Variants in FAXC observed in about 807,000 individuals in gnomAD.
FAXC encodes failed axon connections homolog, metaxin like GST domain containing.
FAXC carries 10 observed loss-of-function variants against 41.9 expected under a neutral mutation model. The observed-to-expected ratio is 0.24, with a 90% CI of 0.15 to 0.41. The LOEUF (loss-of-function observed/expected upper bound fraction) is 0.41, where lower values mean the gene tolerates loss of function less well. FAXC is among the 10% of genes least tolerant of loss of function. The pLI, the probability that FAXC is intolerant of heterozygous loss-of-function variation, is 1.00. For synonymous variants in FAXC, 183 were observed against 183.8 expected, an observed-to-expected ratio of 1.00 and a Z score of 0.03; for missense variants, 399 against 510.9, an observed-to-expected ratio of 0.78 and a Z score of 2.11.
intron 4 of FAXC, among the ~76,000 whole-genome samples, chr6:99,319,173 G>A (rs1023776830): frequency 5.9e-5 from 9 of 152,072 alleles, no homozygotes; most frequent in Admixed American, 2.0e-4. Context: ...CGAGGCAGGC[G>A]GATCACGAGG....
intron 2 of FAXC, among the ~76,000 whole-genome samples, chr6:99,335,698 C>T (rs946571745): frequency 2.6e-5 from 4 of 152,172 alleles, no homozygotes; most frequent in African/African-American, 9.6e-5. Context: ...TGTGATTGAG[C>T]ACCTTTTCTG....
chr6:99,314,331 T>C (rs1298046501), intron 4 of FAXC, among the ~76,000 whole-genome samples: 1 of 152,136 alleles, frequency 6.6e-6, no homozygotes, highest in Non-Finnish European at 1.5e-5. Flanking sequence ...TCTATCACCA[T>C]GCCTATAATC....
Position 99,274,577 on chromosome 6 carries a change from T to C in FAXC, c.*6587A>G, listed in dbSNP as rs1770531402. ...GAGTTGTCAGACATTTGGCATGATG[T>C]AGATCACTGGGAAAAAAACATGTGT... On this transcript the variant is annotated 3_prime_UTR_variant, in exon 6 of 6. Coordinates refer to ENST00000389677, the MANE Select transcript of FAXC (RefSeq NM_032511.4). 6.6e-6 allele frequency: 1 copy of C among 152,194 alleles called. No individual in the cohort carries two copies. Among genetic ancestry groups the C allele is most frequent in the African/African-American group, 2.4e-5 (1 of 41,446 alleles). The allele number at this position is 152,194 out of a possible 1,614,324, so 9.4% of individuals were successfully genotyped here.
Position 99,281,342 on chromosome 6 carries a change from C to T in FAXC, c.1052G>A (p.Gly351Asp). 1 of 1,614,156 alleles carries T rather than the reference C, an allele frequency of 6.2e-7. No individual in the cohort carries two copies. The highest frequency in any genetic ancestry group is 1.1e-5 in the South Asian group (1 of 91,080). ...TIYESEESSE[G>D]SKTHTPLLDF... ...CAGCAGCGGGGTGTGGGTTTTGCTG[C>T]CTTCGCTGCTCTCCTCAGACTCATA... Residue 351 changes from glycine to aspartate, a missense_variant, in exon 6 of 6, where the codon GGC (glycine) becomes GAC (aspartate). Coordinates refer to ENST00000389677, the MANE Select transcript of FAXC (RefSeq NM_032511.4).
rs147679990 is a variant in FAXC, at chr6:99,343,027, C to G, written c.273G>C (p.Gln91His). Residue 91 changes from glutamine (Q) to histidine (H), a missense_variant, in exon 2 of 6, where the codon CAG (glutamine) becomes CAC (histidine). By Grantham distance (24) the Gln-to-His change is conservative (BLOSUM62 0). Around this residue, in one of 3 missense-constraint regions of FAXC, gnomAD observed 239 missense variants for 352.7 expected, o/e 0.68. Coordinates refer to ENST00000389677, the MANE Select transcript of FAXC (RefSeq NM_032511.4). ...LLHELLVIRKQQEIDSKDAII... is the reference protein window; with the variant it reads ...LLHELLVIRKHQEIDSKDAII... ...TAGCATCTTTAGAGTCAATCTCTTG[C>G]TGTTTCCTGTCAAAACCAAAACAGA... 4.4e-6 allele frequency: 7 copies of G among 1,599,376 alleles called. No homozygotes were observed. The highest frequency in any genetic ancestry group is 6.0e-6 in the Non-Finnish European group (7 of 1,175,958).
rs1471905072 is a variant in FAXC, at chr6:99,334,679, T to G, written c.403-1132A>C. The G allele has an allele frequency of 8.2e-6, 6 of 735,154 alleles. No individual in the cohort carries two copies. In the East Asian group the frequency reaches 7.8e-4, roughly 96 times the overall value. 45.5% of individuals were successfully genotyped at this position (735,154 alleles called of 1,614,324 possible). On this transcript the variant is annotated intron_variant, in intron 2 of 5. Transcript: ENST00000389677. ...CTTAATACATCCCTTTCTGGACTCT[T>G]GTCATTCTCAGATGCAATCTATCCT... is the stretch of plus-strand genomic sequence containing the variant.
intron 5 of FAXC, among the ~76,000 whole-genome samples, chr6:99,283,634 T>C (rs922840905): frequency 2.6e-5 from 4 of 152,150 alleles, no homozygotes; most frequent in African/African-American, 7.2e-5. Flanking sequence ...AGATGCAGCA[T>C]GGAAAACCTT....
At chr6:99,289,416 T>C (rs1771146463) in intron 5 of FAXC, among the ~76,000 whole-genome samples, 1 of 152,132 alleles carries the variant, frequency 6.6e-6, no homozygotes, top group Non-Finnish European at 1.5e-5. Flanking sequence ...CTTGGGAGAC[T>C]GAGGTAGGAG....
intron 5 of FAXC, among the ~76,000 whole-genome samples, chr6:99,291,068 C>T (rs1483189018): frequency 1.3e-5 from 2 of 152,144 alleles, no homozygotes; most frequent in Admixed American, 1.3e-4. Flanking sequence ...CCTTGGCCTC[C>T]CAAAGTGCTG....
chr6:99,341,935 T>C (rs1184126864), intron 2 of FAXC, among the ~76,000 whole-genome samples: 1 of 152,148 alleles, frequency 6.6e-6, no homozygotes, highest in Non-Finnish European at 1.5e-5. Flanking sequence ...TAGTTCCATA[T>C]GGCTAGAACT....
rs1412662531 is a variant in FAXC at position 99,279,784 on chromosome 6, G to A, written c.*1380C>T. The stretch of plus-strand genomic sequence containing the variant: ...AGGGAAAGAGAGAGAGAACGGGGAT[G>A]AGACAGCAAAAACATTAAGACTTGT... On this transcript the variant is annotated 3_prime_UTR_variant, in exon 6 of 6. Coordinates refer to ENST00000389677, the MANE Select transcript of FAXC (RefSeq NM_032511.4). 2 of 152,120 alleles carry A rather than the reference G, an allele frequency of 1.3e-5. No homozygotes were observed. Among genetic ancestry groups the A allele is most frequent in the Middle Eastern group, 3.2e-3 (1 of 316 alleles). The allele number at this position is 152,120 out of a possible 1,614,324, so 9.4% of individuals were successfully genotyped here.
chr6:99,341,623 A>T (rs9321488), intron 2 of FAXC, among the ~76,000 whole-genome samples: 133,182 of 152,198 alleles, frequency 0.88, 58,768 homozygotes, highest in East Asian at 1. Context: ...AAGCAAGAAC[A>T]GACAGAATGA....
intron 4 of FAXC, among the ~76,000 whole-genome samples, chr6:99,297,154 G>T (rs1214539932): frequency 6.6e-6 from 1 of 152,182 alleles, no homozygotes; most frequent in Non-Finnish European, 1.5e-5. Flanking sequence ...TGACTGCCAA[G>T]CTTGACCAGC....
chr6:99,330,258 C>T (rs1772983611), intron 3 of FAXC, among the ~76,000 whole-genome samples: 1 of 152,200 alleles, frequency 6.6e-6, no homozygotes. Context: ...CGCTCACTGA[C>T]ATCCACAAGG....
chr6:99,349,409 C>A lies in FAXC; in HGVS notation c.-37G>T, dbSNP rs370943189. 921 of 1,520,746 alleles carry A rather than the reference C, an allele frequency of 6.1e-4. 15 individuals carry two copies. In the South Asian group the frequency reaches 0.011, roughly 18 times the overall value. 94.2% of individuals were successfully genotyped at this position (1,520,746 alleles called of 1,614,324 possible). A position where few individuals can be genotyped will look rare whatever the true frequency, so the allele number is the denominator to read the frequency against. ...GGCTCCGGGCGCCCCTCCCAGGGCC[C>A]GCGCCGCCCGCATGGGAAGGGGCCG... On this transcript the variant is annotated 5_prime_UTR_variant, in exon 1 of 6. Transcript: ENST00000389677.
chr6:99,290,626 C>T (rs1216044675), intron 5 of FAXC, among the ~76,000 whole-genome samples: 15 of 151,206 alleles, frequency 9.9e-5, no homozygotes, highest in African/African-American at 3.2e-4. Context: ...CTCTTGAACC[C>T]GGGAGGCGGA....
intron 5 of FAXC, among the ~76,000 whole-genome samples, chr6:99,286,886 T>C (rs548268360): frequency 1.3e-5 from 2 of 152,236 alleles, no homozygotes; most frequent in African/African-American, 4.8e-5. Flanking sequence ...GGAGCAAAAA[T>C]TGGAAGTACT....
chr6:99,273,709 T>C lies in FAXC; in HGVS notation c.*7455A>G, dbSNP rs1487857502. ...TATATCTGCTTTGCCACAAATGGTA[T>C]ATACACATTCTCTAATCAATTACAG... On this transcript the variant is annotated 3_prime_UTR_variant, in exon 6 of 6. Transcript: ENST00000389677. The C allele has an allele frequency of 6.6e-6, 1 of 152,006 alleles. No homozygotes were observed. The highest frequency in any genetic ancestry group is 2.4e-5 in the African/African-American group (1 of 41,372). The allele number at this position is 152,006 out of a possible 1,614,324, so 9.4% of individuals were successfully genotyped here.
At position 99,349,262 on chromosome 6, in the gene FAXC, G is replaced by C. The variant is rs1227196220; in HGVS notation, c.111C>G (p.Ser37=). 1.7e-5 allele frequency: 27 copies of C among 1,613,660 alleles called. No individual in the cohort carries two copies. The Admixed American group carries it at 4.5e-4, about 27-fold the overall frequency. The change falls in exon 1 of 6, where the codon TCC becomes TCG. Residue 37 remains serine, a synonymous_variant. Transcript: ENST00000389677. ...GGAAAGCGATGATGTCCCCATAAAA[G>C]GAGAAGGGCTCCTCGGACCCGGCCC... ...GWWAGSEEPF[S]FYGDIIAFPL...
Sources: gnomAD v4.1 joint callset for allele counts (sites outside exome capture counted in the v4.1 genomes callset) on GRCh38, gnomAD v4.1.1 for gene constraint, gnomAD v4.1.1 regional missense constraint, MANE v1.5 for transcripts, NCBI Gene and HGNC (gene_info 2026-07-23, HGNC 2026-07-21) for gene names.